The following DENND2C variants were observed in gnomAD, a reference collection of about 807,000 sequenced individuals.
DENND2C encodes the protein DENN domain containing 2C.
DENND2C carries 72 observed loss-of-function variants against 112.4 expected under a neutral mutation model. The ratio of observed to expected loss-of-function variants is 0.64; its 90% CI spans 0.53 to 0.78. The LOEUF (loss-of-function observed/expected upper bound fraction) is 0.78, where lower values mean the gene tolerates loss of function less well. DENND2C is among the 30% of genes least tolerant of loss of function. DENND2C has a pLI of 0.00. For missense variants in DENND2C, 992 were observed against 1,113.8 expected, an observed-to-expected ratio of 0.89 and a Z score of 1.56; for synonymous variants, 329 against 381.6, an observed-to-expected ratio of 0.86 and a Z score of 1.61.
intron 10 of DENND2C, among the ~76,000 whole-genome samples, chr1:114,606,077 T>A (rs1301898369): frequency 6.6e-6 from 1 of 152,190 alleles, no homozygotes; most frequent in Non-Finnish European, 1.5e-5. Flanking sequence ...TCCCTTTTAA[T>A]TTCTTTTTTG....
intron 2 of DENND2C, among the ~76,000 whole-genome samples, chr1:114,649,679 A>C (rs1657101821): frequency 6.6e-6 from 1 of 152,178 alleles, no homozygotes; most frequent in Non-Finnish European, 1.5e-5. Context: ...CTGGACAATA[A>C]AACCTAGTTT....
intron 1 of DENND2C, among the ~76,000 whole-genome samples, chr1:114,662,960 G>C (rs1266238157): frequency 6.6e-6 from 1 of 151,148 alleles, no homozygotes; most frequent in Non-Finnish European, 1.5e-5. Flanking sequence ...ACCAAGAAAA[G>C]AAAAGGAAAA....
At chr1:114,628,510 C>T (rs754597328) in intron 3 of DENND2C, among the ~76,000 whole-genome samples, 2 of 152,142 alleles carry the variant, frequency 1.3e-5, no homozygotes, top group Non-Finnish European at 2.9e-5. Context: ...TACATGATAG[C>T]TTTCGAAAAA....
At chr1:114,600,485 T>C in intron 14 of DENND2C, 133 bp from the exon 15 acceptor site, 3 of 1,179,952 alleles carry the variant, frequency 2.5e-6, no homozygotes, top group Non-Finnish European at 3.6e-6. Flanking sequence ...TGAAGCTTCC[T>C]ATACTAATGC....
At chr1:114,629,741 A>G (rs182112049) in intron 3 of DENND2C, among the ~76,000 whole-genome samples, 11 of 152,324 alleles carry the variant, frequency 7.2e-5, no homozygotes, top group Admixed American at 3.9e-4. Flanking sequence ...AACATAACCT[A>G]TCATATATAG....
intron 8 of DENND2C, among the ~76,000 whole-genome samples, chr1:114,613,459 A>G (rs992929789): frequency 3.9e-5 from 6 of 152,228 alleles, no homozygotes; most frequent in African/African-American, 1.4e-4. Flanking sequence ...ATGTTACAGA[A>G]AAAATGCTTA....
At chr1:114,651,525 G>T (rs1657165822) in intron 2 of DENND2C, among the ~76,000 whole-genome samples, 1 of 152,016 alleles carries the variant, frequency 6.6e-6, no homozygotes, top group Non-Finnish European at 1.5e-5. Context: ...GATCACCTGA[G>T]GTCAGGAGTT....
intron 1 of DENND2C, among the ~76,000 whole-genome samples, chr1:114,666,662 C>T (rs1027716565): frequency 1.3e-5 from 2 of 152,124 alleles, no homozygotes; most frequent in Non-Finnish European, 2.9e-5. Context: ...GCCATGTTGA[C>T]CAGGATGCTC....
At position 114,583,818 on chromosome 1, in the gene DENND2C, A is replaced by AC. The variant is rs1163487708; in HGVS notation, c.*1781_*1782insG. 1 of 143,656 alleles carries AC rather than the reference A, an allele frequency of 7.0e-6. No homozygotes were observed. Among genetic ancestry groups the AC allele is most frequent in the Non-Finnish European group, 1.5e-5 (1 of 66,648 alleles). 8.9% of individuals were successfully genotyped at this position (143,656 alleles called of 1,614,324 possible). A position where few individuals can be genotyped will look rare whatever the true frequency, so the allele number is the denominator to read the frequency against. On this transcript the variant is annotated 3_prime_UTR_variant, in exon 21 of 21. Coordinates refer to ENST00000393274, the MANE Select transcript of DENND2C (RefSeq NM_001256404.2). ...GCGAAACTCCATCTCAAAAAAAAAA[A>AC]AAAAAAACCGAAACAAAACACACAC...
At chr1:114,651,752 AGG>A (rs1657172106) in intron 2 of DENND2C, among the ~76,000 whole-genome samples, 1 of 152,180 alleles carries the variant, frequency 6.6e-6, no homozygotes, top group African/African-American at 2.4e-5. Context: ...AGAAAGAAAA[AGG>A]AAAAGTTATT....
chr1:114,642,990 A>C (rs1156386797), intron 3 of DENND2C, among the ~76,000 whole-genome samples: 1 of 152,156 alleles, frequency 6.6e-6, no homozygotes, highest in East Asian at 1.9e-4. Context: ...ATATTGTTAT[A>C]CTTTTACAAT....
At chr1:114,607,857 G>A (rs1490289510) in intron 10 of DENND2C, among the ~76,000 whole-genome samples, 1 of 152,052 alleles carries the variant, frequency 6.6e-6, no homozygotes, top group Non-Finnish European at 1.5e-5. Context: ...ACTGATAATG[G>A]ATAACATCAT....
At chr1:114,631,638 C>T (rs1019152209) in intron 3 of DENND2C, among the ~76,000 whole-genome samples, 8 of 151,870 alleles carry the variant, frequency 5.3e-5, no homozygotes, top group Non-Finnish European at 1.0e-4. Context: ...AAAAATTAAC[C>T]GGGAGTGGTG....
chr1:114,644,740 C>A (rs975446), intron 3 of DENND2C, among the ~76,000 whole-genome samples: 133,124 of 152,156 alleles, frequency 0.87, 58,737 homozygotes, highest in African/African-American at 0.96. Flanking sequence ...TAGCAAGTTT[C>A]GATGGCTTTC....
intron 6 of DENND2C, 125 bp downstream of exon 6, chr1:114,622,862 C>A: frequency 1.1e-5 from 6 of 568,266 alleles, no homozygotes; most frequent in Admixed American, 4.0e-5. Flanking sequence ...AAAAAAACTA[C>A]CACCAACATT....
At chr1:114,602,994 A>G (rs116126667) in intron 11 of DENND2C, among the ~76,000 whole-genome samples, 4,014 of 152,340 alleles carry the variant, frequency 0.026, 95 homozygotes, top group Non-Finnish European at 0.034. Context: ...AGCAATAGGC[A>G]AAGGATTATA....
At chr1:114,594,128 G>C (rs1297230698) in intron 18 of DENND2C, among the ~76,000 whole-genome samples, 2 of 152,192 alleles carry the variant, frequency 1.3e-5, no homozygotes, top group African/African-American at 4.8e-5. Context: ...GCAAAGGGAA[G>C]AGGATAAGGA....
At chr1:114,624,674 T>C (rs1656281429) in intron 4 of DENND2C, among the ~76,000 whole-genome samples, 1 of 150,946 alleles carries the variant, frequency 6.6e-6, no homozygotes, top group Admixed American at 6.6e-5. Context: ...CAGGCTGAAG[T>C]GCAGTGTCAC....
chr1:114,620,906 A>T (rs1301529981), intron 7 of DENND2C, among the ~76,000 whole-genome samples: 1 of 152,202 alleles, frequency 6.6e-6, no homozygotes, highest in Non-Finnish European at 1.5e-5. Context: ...CTTTTGTTTA[A>T]TGTTAAAATC....
Sources: allele counts gnomAD v4.1 joint callset (sites outside exome capture counted in the v4.1 genomes callset), GRCh38; gene constraint gnomAD v4.1.1; transcripts MANE v1.5; gene names NCBI Gene and HGNC (gene_info 2026-07-23, HGNC 2026-07-21).